Variants in GUCY1A1 observed in about 807,000 individuals in gnomAD.
GUCY1A1 encodes guanylate cyclase 1 soluble subunit alpha 1.
A neutral mutation model predicts 64.5 loss-of-function variants in GUCY1A1; 48 were observed. That is an observed-to-expected ratio of 0.74 (90% CI 0.59 to 0.95). GUCY1A1 has a LOEUF of 0.95. GUCY1A1 is among the 40% of genes least tolerant of loss of function. The pLI is 0.00. For synonymous variants in GUCY1A1, 308 were observed against 303.4 expected, an observed-to-expected ratio of 1.02 and a Z score of -0.16; for missense variants, 804 against 825.3, an observed-to-expected ratio of 0.97 and a Z score of 0.32.
intron 3 of GUCY1A1, among the ~76,000 whole-genome samples, chr4:155,700,231 G>A (rs1360833700): frequency 1.3e-5 from 2 of 152,060 alleles, no homozygotes; most frequent in Non-Finnish European, 2.9e-5. Context: ...TGAAATAATT[G>A]AATTGGATAT....
intron 3 of GUCY1A1, 36 bp downstream of exon 3, chr4:155,697,158 A>G: frequency 6.5e-7 from 1 of 1,527,850 alleles, no homozygotes; most frequent in Non-Finnish European, 9.0e-7. Context: ...AAATTGTAAT[A>G]CTTTGAAATT....
rs538676038 is a variant in GUCY1A1 at position 155,694,652 on chromosome 4, G to A, written c.-112-2104G>A. Among the ~76,000 whole-genome samples, 13 of 152,214 alleles carry A rather than the reference G, an allele frequency of 8.5e-5. No homozygotes were observed. The South Asian group carries it at 2.7e-3, about 32-fold the overall frequency. On this transcript the variant is annotated intron_variant, in intron 2 of 9. Coordinates refer to ENST00000506455, the MANE Select transcript of GUCY1A1 (RefSeq NM_001130682.3). ...GCCCATTCATTTGTATATCATCTCT[G>A]GCTGGCTTCACACTGCAATGGTAGG...
rs759142268 is a variant in GUCY1A1 at position 155,710,557 on chromosome 4, T to G, written c.392T>G (p.Val131Gly). The G allele has an allele frequency of 6.3e-7, 1 of 1,593,106 alleles. No individual in the cohort carries two copies. The highest frequency in any genetic ancestry group is 1.1e-5 in the South Asian group (1 of 89,398). ...QAVAAGVPVE[V>G]IKESLGEEVF... ...GTGATTTCAGGAGTTCCAGTGGAGG[T>G]TATCAAAGAATCTCTTGGTGAAGAG... Residue 131 changes from valine (V) to glycine (G), a missense_variant, in exon 6 of 10, where the codon GTT (valine) becomes GGT (glycine). Transcript: ENST00000506455.
At chr4:155,724,750 G>A (rs986374459) in intron 9 of GUCY1A1, among the ~76,000 whole-genome samples, 2 of 151,924 alleles carry the variant, frequency 1.3e-5, no homozygotes, top group African/African-American at 4.8e-5. Context: ...GAACTTTTAT[G>A]ACTCTAACTA....
chr4:155,721,299 G>C (rs1733929038), intron 8 of GUCY1A1, among the ~76,000 whole-genome samples: 1 of 152,004 alleles, frequency 6.6e-6, no homozygotes, highest in South Asian at 2.1e-4. Flanking sequence ...CTGTCTCAGT[G>C]GCTTTCCAAA....
chr4:155,709,875 C>T (rs533892673), intron 5 of GUCY1A1, among the ~76,000 whole-genome samples: 1 of 152,174 alleles, frequency 6.6e-6, no homozygotes, highest in East Asian at 1.9e-4. Flanking sequence ...CTTCATGTAA[C>T]TCATGGCTTT....
In GUCY1A1 at chr4:155,733,578, TCAA is replaced by T. The variant is rs1348689945; in HGVS notation, c.*3350_*3352del. 2.0e-5 allele frequency among the ~76,000 whole-genome samples: 3 copies of T among 151,320 alleles called. No individual in the cohort carries two copies. The highest frequency in any genetic ancestry group is 4.9e-5 in the African/African-American group (2 of 41,202). On this transcript the variant is annotated 3_prime_UTR_variant, in exon 10 of 10. Transcript: ENST00000506455. ...AGCTTTACATGACCTTAAGTAGTTA[TCAA>T]CATTACCATAATAGTAATATTAATA...
intron 3 of GUCY1A1, among the ~76,000 whole-genome samples, chr4:155,698,588 G>A (rs1055782277): frequency 4.9e-4 from 74 of 152,120 alleles, no homozygotes; most frequent in African/African-American, 1.7e-3. Context: ...TTGAATTTCT[G>A]CAATGGAAGT....
chr4:155,674,791 T>C (rs1391888511), intron 2 of GUCY1A1, among the ~76,000 whole-genome samples: 6 of 151,642 alleles, frequency 4.0e-5, no homozygotes, highest in African/African-American at 1.5e-4. Flanking sequence ...AACTTATTTT[T>C]ATAAGTAAAA....
At chr4:155,712,421 C>G (rs953296044) in intron 6 of GUCY1A1, among the ~76,000 whole-genome samples, 1 of 152,202 alleles carries the variant, frequency 6.6e-6, no homozygotes, top group Non-Finnish European at 1.5e-5. Flanking sequence ...TAGTACCCTA[C>G]TGAAGGATAT....
rs1268449282 is a variant in GUCY1A1 at position 155,733,138 on chromosome 4, A to G, written c.*2907A>G. On this transcript the variant is annotated 3_prime_UTR_variant, in exon 10 of 10. Transcript: ENST00000506455. ...ATGAAGAATTTATTGAATGCCTACT[A>G]TGTGCCAGGAATATTGCTATATTTT... Among the ~76,000 whole-genome samples, 3 of 151,862 alleles carry G rather than the reference A, an allele frequency of 2.0e-5. No homozygotes were observed. Among genetic ancestry groups the G allele is most frequent in the African/African-American group, 7.2e-5 (3 of 41,416 alleles).
intron 2 of GUCY1A1, among the ~76,000 whole-genome samples, chr4:155,672,279 ATATAAT>A (rs1734254836): frequency 6.6e-6 from 1 of 152,184 alleles, no homozygotes; most frequent in South Asian, 2.1e-4. Context: ...TTTGATCAGG[ATATAAT>A]TAACATCTTC....
intron 2 of GUCY1A1, among the ~76,000 whole-genome samples, chr4:155,694,222 C>G (rs907996458): frequency 6.6e-6 from 1 of 152,142 alleles, no homozygotes; most frequent in African/African-American, 2.4e-5. Context: ...CTATTACACT[C>G]TTTTTGATTA....
chr4:155,708,268 C>A lies in GUCY1A1; in HGVS notation c.350C>A (p.Thr117Lys). The change falls in exon 5 of 10, where the codon ACA (threonine) becomes AAA (lysine). Residue 117 changes from threonine (T) to lysine (K), a missense_variant. By Grantham distance (78) the Thr-to-Lys change is moderately conservative. Transcript: ENST00000506455. ...KSLEREDFEKTIAEQAVAAGV... is the reference protein window; with the variant it reads ...KSLEREDFEKKIAEQAVAAGV... ...TTGGAAAGAGAAGACTTTGAAAAAA[C>A]AATTGCAGAGCAAGCAGTTGCAGCA... 2 of 1,555,588 alleles carry A rather than the reference C, an allele frequency of 1.3e-6. No homozygotes were observed. Among genetic ancestry groups the A allele is most frequent in the Non-Finnish European group, 8.9e-7 (1 of 1,127,764 alleles).
rs1434606077 is a variant in GUCY1A1 at position 155,730,700 on chromosome 4, G to T, written c.*469G>T. 1 of 153,632 alleles carries T rather than the reference G, an allele frequency of 6.5e-6. No homozygotes were observed. The highest frequency in any genetic ancestry group is 1.9e-4 in the East Asian group (1 of 5,164). The allele number at this position is 153,632 out of a possible 1,614,324, so 9.5% of individuals were successfully genotyped here. ...CAAACTTTCAACTCTGCATTTTATT[G>T]CATTTTCTCATTTAACTGTTAGTAT... is the stretch of plus-strand genomic sequence containing the variant. On this transcript the variant is annotated 3_prime_UTR_variant, in exon 10 of 10. Transcript: ENST00000506455.
At position 155,711,198 on chromosome 4, in the gene GUCY1A1, C is replaced by A. The variant is rs2126858686; in HGVS notation, c.1033C>A (p.Gln345Lys). ...CGGGATCATGACTATGTTGAATATGCAGTTTGTTGTACGAGTGAGGAGATG... is the reference window on the plus strand; with the variant it reads ...CGGGATCATGACTATGTTGAATATGAAGTTTGTTGTACGAGTGAGGAGATG... ...FSGIMTMLNMQFVVRVRRWDN... is the reference protein window; with the variant it reads ...FSGIMTMLNMKFVVRVRRWDN... The change falls in exon 6 of 10, where the codon CAG becomes AAG. Residue 345 changes from glutamine (Q) to lysine (K), a missense_variant. Coordinates refer to ENST00000506455, the MANE Select transcript of GUCY1A1 (RefSeq NM_001130682.3). 3.7e-6 allele frequency: 6 copies of A among 1,612,848 alleles called. No homozygotes were observed. The highest frequency in any genetic ancestry group is 1.7e-4 in the Middle Eastern group (1 of 6,060).
chr4:155,681,259 T>C (rs1053928359), intron 2 of GUCY1A1, among the ~76,000 whole-genome samples: 4 of 152,198 alleles, frequency 2.6e-5, no homozygotes, highest in African/African-American at 9.6e-5. Flanking sequence ...TGTGACTTTC[T>C]GCAATTTAAC....
At chr4:155,716,922 T>A (rs768227181) in intron 7 of GUCY1A1, among the ~76,000 whole-genome samples, 4 of 152,138 alleles carry the variant, frequency 2.6e-5, no homozygotes, top group Non-Finnish European at 4.4e-5. Flanking sequence ...AGAAGTCAAC[T>A]GTTACTGTGT....
chr4:155,715,757 C>T (rs545084841), intron 7 of GUCY1A1, among the ~76,000 whole-genome samples: 1 of 152,250 alleles, frequency 6.6e-6, no homozygotes, highest in East Asian at 1.9e-4. Context: ...GGCATTGCCA[C>T]CTGGTTCATT....
Sources: gnomAD v4.1 joint callset for allele counts (sites outside exome capture counted in the v4.1 genomes callset) on GRCh38, gnomAD v4.1.1 for gene constraint, MANE v1.5 for transcripts, NCBI Gene and HGNC (gene_info 2026-07-23, HGNC 2026-07-21) for gene names.